Variants in KSR2 observed in about 807,000 individuals in gnomAD.
KSR2 encodes the protein kinase suppressor of ras 2.
In KSR2, 25 loss-of-function variants were observed where a neutral mutation model predicts 107.8. The ratio of observed to expected loss-of-function variants is 0.23; its 90% CI spans 0.17 to 0.32. KSR2 has a LOEUF of 0.32. Among genes scored for constraint, KSR2 ranks in the 10% least tolerant of loss-of-function variants. The pLI, the probability that KSR2 is intolerant of heterozygous loss-of-function variation, is 1.00. For synonymous variants in KSR2, 480 were observed against 507.0 expected, an observed-to-expected ratio of 0.95 and a Z score of 0.71; for missense variants, 887 against 1,268.9, an observed-to-expected ratio of 0.70 and a Z score of 4.57.
At chr12:117,859,363 C>T (rs1298296366) in intron 2 of KSR2, among the ~76,000 whole-genome samples, 1 of 151,640 alleles carries the variant, frequency 6.6e-6, no homozygotes, top group African/African-American at 2.4e-5. Flanking sequence ...CCAGGCTGGC[C>T]TCAAACTCCT....
At chr12:117,938,837 A>G (rs1159143922) in intron 1 of KSR2, among the ~76,000 whole-genome samples, 2 of 152,312 alleles carry the variant, frequency 1.3e-5, no homozygotes, top group Non-Finnish European at 2.9e-5. Flanking sequence ...CTGCTTCTTG[A>G]GTTCCCTTTC....
rs140546425 is a variant in KSR2 at position 117,911,098 on chromosome 12, G to A, written c.181-50667C>T. On this transcript the variant is annotated intron_variant, in intron 1 of 19. Transcript: ENST00000339824. ...TCTCTTCTGTTAAACCTTATCTATG[G>A]TAGATCATTTTACTGTTCTGCAAAT... Among the ~76,000 whole-genome samples the A allele has an allele frequency of 6.3e-3, 953 of 151,742 alleles. 9 individuals are homozygous for A. The highest frequency in any genetic ancestry group is 0.021 in the African/African-American group (887 of 41,328).
chr12:117,609,445 C>A (rs1029110292), intron 5 of KSR2, among the ~76,000 whole-genome samples: 1 of 152,216 alleles, frequency 6.6e-6, no homozygotes, highest in Non-Finnish European at 1.5e-5. Context: ...ATCCAGCCTG[C>A]CACCTGTATT....
At chr12:117,846,105 C>T (rs963075028) in intron 3 of KSR2, among the ~76,000 whole-genome samples, 7 of 151,964 alleles carry the variant, frequency 4.6e-5, no homozygotes, top group African/African-American at 1.7e-4. Context: ...GATTTCAGAC[C>T]TTCCCAGCCA....
At chr12:117,632,218 C>CTTTTTTTTTTTTT (rs544594793) in intron 5 of KSR2, among the ~76,000 whole-genome samples, 1 of 84,062 alleles carries the variant, frequency 1.2e-5, no homozygotes, top group Non-Finnish European at 2.1e-5. Flanking sequence ...AGTCCTACTC[C>CTTTTTTTTTTTTT]TTTTTTTTTT....
intron 1 of KSR2, among the ~76,000 whole-genome samples, chr12:117,886,858 T>A (rs1325564452): frequency 5.3e-5 from 8 of 152,200 alleles, no homozygotes; most frequent in Non-Finnish European, 1.0e-4. Flanking sequence ...TGTGCATGTA[T>A]TACCTGGCTT....
chr12:117,761,564 T>C (rs1889024799), intron 3 of KSR2, 40 bp from the exon 4 acceptor site: 3 of 1,606,686 alleles, frequency 1.9e-6, no homozygotes, highest in Non-Finnish European at 2.6e-6. Context: ...GGGTAAGCCA[T>C]GAGAAAGCCA....
chr12:117,492,877 G>A (rs1872821305), intron 14 of KSR2, among the ~76,000 whole-genome samples: 1 of 152,148 alleles, frequency 6.6e-6, no homozygotes, highest in African/African-American at 2.4e-5. Flanking sequence ...ACGAGCCAAG[G>A]AATGCAGGCA....
At chr12:117,544,766 T>A (rs903339718) in intron 9 of KSR2, among the ~76,000 whole-genome samples, 3 of 152,254 alleles carry the variant, frequency 2.0e-5, no homozygotes, top group Non-Finnish European at 4.4e-5. Flanking sequence ...ACATGGATGA[T>A]GTCATTTGCA....
intron 4 of KSR2, among the ~76,000 whole-genome samples, chr12:117,685,155 A>G (rs986352576): frequency 6.6e-6 from 1 of 152,164 alleles, no homozygotes; most frequent in Non-Finnish European, 1.5e-5. Flanking sequence ...CCATCCCCTG[A>G]GCTCATCCAG....
intron 1 of KSR2, among the ~76,000 whole-genome samples, chr12:117,925,220 C>T (rs969746647): frequency 2.0e-5 from 3 of 151,838 alleles, no homozygotes; most frequent in African/African-American, 4.8e-5. Context: ...ACCTCCCAGG[C>T]TCAAGCAGTC....
chr12:117,694,497 A>G (rs968679289), intron 4 of KSR2, among the ~76,000 whole-genome samples: 1 of 152,316 alleles, frequency 6.6e-6, no homozygotes, highest in East Asian at 1.9e-4. Flanking sequence ...AGTCTTGGGT[A>G]TGTCTTTACT....
At chr12:117,495,383 C>T (rs1424916085) in intron 14 of KSR2, among the ~76,000 whole-genome samples, 2 of 152,140 alleles carry the variant, frequency 1.3e-5, no homozygotes, top group East Asian at 3.8e-4. Flanking sequence ...ATAAAAAATG[C>T]CAGGTTAGCT....
At chr12:117,924,886 T>C (rs1339149744) in intron 1 of KSR2, among the ~76,000 whole-genome samples, 5 of 152,202 alleles carry the variant, frequency 3.3e-5, no homozygotes, top group African/African-American at 1.2e-4. Flanking sequence ...GACAAATTAA[T>C]GTTTTGTTTT....
chr12:117,526,356 C>T (rs931674351), intron 13 of KSR2, among the ~76,000 whole-genome samples: 2 of 152,126 alleles, frequency 1.3e-5, no homozygotes, highest in Non-Finnish European at 2.9e-5. Context: ...CCAGGGCCAG[C>T]GGGGATTCCC....
intron 1 of KSR2, among the ~76,000 whole-genome samples, chr12:117,923,392 A>G (rs1895405046): frequency 1.3e-5 from 2 of 152,368 alleles, no homozygotes; most frequent in Non-Finnish European, 2.9e-5. Context: ...TTTATAGAAT[A>G]TAACTGCCAT....
chr12:117,962,782 T>C (rs1210061091), intron 1 of KSR2, among the ~76,000 whole-genome samples: 5 of 151,834 alleles, frequency 3.3e-5, no homozygotes, highest in Non-Finnish European at 4.4e-5. Context: ...AAACTACAGT[T>C]TGTACAACTA....
intron 4 of KSR2, among the ~76,000 whole-genome samples, chr12:117,748,051 TAA>T (rs1281274385): frequency 6.6e-6 from 1 of 152,050 alleles, no homozygotes; most frequent in Admixed American, 6.6e-5. Context: ...TGAATCAACC[TAA>T]GAGTCCATCA....
intron 16 of KSR2, among the ~76,000 whole-genome samples, chr12:117,476,880 G>A (rs186413558): frequency 2.7e-4 from 41 of 152,210 alleles, no homozygotes; most frequent in South Asian, 4.1e-4. Flanking sequence ...TGTTATTCAC[G>A]GCAGTTACGT....
Sources: allele counts gnomAD v4.1 joint callset (sites outside exome capture counted in the v4.1 genomes callset), GRCh38; gene constraint gnomAD v4.1.1; transcripts MANE v1.5; gene names NCBI Gene and HGNC (gene_info 2026-07-23, HGNC 2026-07-21).